The following SPPL3 variants were observed in gnomAD, a reference collection of about 807,000 sequenced individuals.
SPPL3 encodes signal peptide peptidase-like 3.
SPPL3 carries 5 observed loss-of-function variants against 42.4 expected under a neutral mutation model. The ratio of observed to expected loss-of-function variants is 0.12; its 90% CI spans 0.06 to 0.25. The LOEUF is 0.25. Among genes scored for constraint, SPPL3 ranks in the 10% least tolerant of loss-of-function variants. SPPL3 has a pLI of 1.00. For missense variants in SPPL3, 235 were observed against 489.0 expected (o/e 0.48, Z 4.90); for synonymous variants, 195 against 181.8 (o/e 1.07, Z -0.58).
At position 120,763,719 on chromosome 12, in the gene SPPL3, T is replaced by C. The variant is rs546679173; in HGVS notation, c.*1280A>G. 6.5e-6 allele frequency: 1 copy of C among 153,246 alleles called. No homozygotes were observed. Among genetic ancestry groups the C allele is most frequent in the African/African-American group, 2.4e-5 (1 of 41,536 alleles). 9.5% of individuals were successfully genotyped at this position (153,246 alleles called of 1,614,324 possible). A position where few individuals can be genotyped will look rare whatever the true frequency, so the allele number is the denominator to read the frequency against. ...TTTAGGGCCCATCTCAGAGGGGCAT[T>C]TGACATGTGTCCCCAACACCCGGTT... is the stretch of plus-strand genomic sequence containing the variant. On this transcript the variant is annotated 3_prime_UTR_variant, in exon 11 of 11. Coordinates refer to ENST00000353487, the MANE Select transcript of SPPL3 (RefSeq NM_139015.5).
chr12:120,898,434 TTTTG>T (rs1202443869), intron 1 of SPPL3, among the ~76,000 whole-genome samples: 3 of 151,686 alleles, frequency 2.0e-5, no homozygotes, highest in African/African-American at 7.3e-5. Context: ...ATGTAGCTTA[TTTTG>T]TTTATCGTCT....
chr12:120,773,538 G>A (rs1233312457), intron 6 of SPPL3, among the ~76,000 whole-genome samples: 1 of 152,222 alleles, frequency 6.6e-6, no homozygotes. Flanking sequence ...AGCGGGGCAG[G>A]GAAACAGACT....
At chr12:120,850,170 C>A (rs570027467) in intron 1 of SPPL3, among the ~76,000 whole-genome samples, 40 of 152,242 alleles carry the variant, frequency 2.6e-4, no homozygotes, top group Non-Finnish European at 5.6e-4. Context: ...AAAGGTAACT[C>A]TAGGGGCTGC....
chr12:120,876,634 A>AAAAAAAAG (rs1483322103), intron 1 of SPPL3, among the ~76,000 whole-genome samples: 42 of 148,712 alleles, frequency 2.8e-4, no homozygotes, highest in Non-Finnish European at 5.2e-4. Flanking sequence ...AAAAAAAAAA[A>AAAAAAAAG]AAGAAGAAAG....
chr12:120,802,432 T>TATA (rs67248082), intron 2 of SPPL3, among the ~76,000 whole-genome samples: 445 of 85,444 alleles, frequency 5.2e-3, no homozygotes, highest in South Asian at 0.012. Context: ...TATATATATA[T>TATA]TTTTTTTTTT....
intron 9 of SPPL3, among the ~76,000 whole-genome samples, chr12:120,766,991 G>A (rs984452588): frequency 8.5e-5 from 13 of 152,238 alleles, no homozygotes; most frequent in Non-Finnish European, 1.6e-4. Context: ...GCCTACACAT[G>A]AGCTGGCTAC....
chr12:120,802,415 G>GTATA (rs1555248882), intron 2 of SPPL3, among the ~76,000 whole-genome samples: 131 of 112,614 alleles, frequency 1.2e-3, no homozygotes, highest in Middle Eastern at 0.01. Flanking sequence ...GTGTGTGTGT[G>GTATA]TATATATATA....
In SPPL3 at chr12:120,783,666, G is replaced by C; in HGVS notation, c.389+8C>G. ...TTATAATTTAAGAGGAAAGTCCCAA[G>C]TCCTTACTTGTTCTGAGGTGAGCAG... On this transcript the variant is annotated splice_region_variant and intron_variant, in intron 5 of 10. Transcript: ENST00000353487. 6.2e-7 allele frequency: 1 copy of C among 1,606,168 alleles called. No homozygotes were observed. The highest frequency in any genetic ancestry group is 1.1e-5 in the South Asian group (1 of 89,448).
chr12:120,794,389 CTGTTT>C (rs1379258321), intron 2 of SPPL3, among the ~76,000 whole-genome samples: 1 of 151,704 alleles, frequency 6.6e-6, no homozygotes, highest in Admixed American at 6.6e-5. Flanking sequence ...TTCACAATTG[CTGTTT>C]TATTTTTATT....
intron 1 of SPPL3, among the ~76,000 whole-genome samples, chr12:120,898,652 C>G (rs1461072936): frequency 6.6e-6 from 1 of 151,914 alleles, no homozygotes; most frequent in African/African-American, 2.4e-5. Context: ...GGAACTCAAG[C>G]AAAAGAGGGC....
intron 2 of SPPL3, among the ~76,000 whole-genome samples, chr12:120,796,769 T>C (rs1164767639): frequency 6.6e-6 from 1 of 152,174 alleles, no homozygotes; most frequent in African/African-American, 2.4e-5. Flanking sequence ...CCAAATGAAT[T>C]GTAAGTTTTT....
intron 1 of SPPL3, among the ~76,000 whole-genome samples, chr12:120,857,556 A>G (rs1418736938): frequency 6.6e-6 from 1 of 152,210 alleles, no homozygotes. Context: ...TCATAATAGC[A>G]AAGACATGGA....
At chr12:120,845,055 T>C in intron 1 of SPPL3, 1 of 277,086 alleles carries the variant, frequency 3.6e-6, no homozygotes, top group Non-Finnish European at 7.4e-6. Flanking sequence ...AGCCAAGTGT[T>C]TGCCACGAGA....
At chr12:120,828,874 G>A (rs1871307946) in intron 1 of SPPL3, among the ~76,000 whole-genome samples, 1 of 151,986 alleles carries the variant, frequency 6.6e-6, no homozygotes, top group African/African-American at 2.4e-5. Context: ...CTCTGCCTCA[G>A]CCTCCCGAGT....
chr12:120,888,279 T>A (rs1340713270), intron 1 of SPPL3, among the ~76,000 whole-genome samples: 1 of 152,086 alleles, frequency 6.6e-6, no homozygotes. Context: ...TTTCACCACG[T>A]TGGCCAGGCT....
At chr12:120,785,086 C>T (rs1185526910) in intron 3 of SPPL3, among the ~76,000 whole-genome samples, 1 of 152,064 alleles carries the variant, frequency 6.6e-6, no homozygotes, top group Admixed American at 6.5e-5. Flanking sequence ...GACAACAAGT[C>T]ATAGCTGAAA....
intron 1 of SPPL3, among the ~76,000 whole-genome samples, chr12:120,842,468 T>C (rs1045515788): frequency 3.3e-5 from 5 of 152,124 alleles, no homozygotes; most frequent in Non-Finnish European, 7.4e-5. Context: ...TCAATAATAG[T>C]AGAAAAGGAA....
intron 2 of SPPL3, among the ~76,000 whole-genome samples, chr12:120,794,837 A>G (rs1870045424): frequency 6.6e-6 from 1 of 152,174 alleles, no homozygotes; most frequent in African/African-American, 2.4e-5. Context: ...TTGGATTAAT[A>G]TAGCATTTTT....
chr12:120,766,474 G>T (rs1043339761), intron 9 of SPPL3, 102 bp from the exon 10 acceptor site: 5 of 886,492 alleles, frequency 5.6e-6, no homozygotes, highest in Non-Finnish European at 8.2e-6. Context: ...ATGTGCTGTC[G>T]TCCATTCTAT....
Sources: allele counts gnomAD v4.1 joint callset (sites outside exome capture counted in the v4.1 genomes callset), GRCh38; gene constraint gnomAD v4.1.1; transcripts MANE v1.5; gene names NCBI Gene and HGNC (gene_info 2026-07-23, HGNC 2026-07-21).